The following PHLDB1 variants were observed in gnomAD, a reference collection of about 807,000 sequenced individuals.
The protein encoded by PHLDB1 is pleckstrin homology-like domain family B member 1.
PHLDB1 carries 65 observed loss-of-function variants against 139.3 expected under a neutral mutation model. The ratio of observed to expected loss-of-function variants is 0.47; its 90% CI spans 0.38 to 0.57. PHLDB1 has a LOEUF of 0.57. Ranked by LOEUF, PHLDB1 falls within the 20% of genes least tolerant of loss-of-function variation. The probability of loss-of-function intolerance (pLI) is 0.00; values close to 1 mark genes in which losing one functional copy is unlikely to be tolerated. For missense variants in PHLDB1, 1,624 were observed against 1,839.7 expected (o/e 0.88, Z 2.14); for synonymous variants, 679 against 734.5 (o/e 0.92, Z 1.22).
At chr11:118,624,879 G>A in intron 4 of PHLDB1, 55 bp from the exon 5 acceptor site, 1 of 1,596,642 alleles carries the variant, frequency 6.3e-7, no homozygotes. Context: ...AAAAGTGTTG[G>A]GATTACAGGT....
At position 118,650,067 on chromosome 11, in the gene PHLDB1, T is replaced by G. The variant is rs1555134408; in HGVS notation, c.3655-10T>G. On this transcript the variant is annotated splice_polypyrimidine_tract_variant and intron_variant, in intron 18 of 22. Transcript: ENST00000600882. This position sits in a 1 kb window ranked among gnomAD's most constrained non-coding sequence, Gnocchi z 4.7. ...GAGGAGACTCTCCTGACCCTCCCTC[T>G]TGCTCCCAGGCACGACCCCTGACCC... 6.2e-7 allele frequency: 1 copy of G among 1,606,264 alleles called. No homozygotes were observed. Among genetic ancestry groups the G allele is most frequent in the South Asian group, 1.1e-5 (1 of 90,918 alleles).
chr11:118,607,340 T>TGGC (rs1939354656), upstream of PHLDB1, among the ~76,000 whole-genome samples: 1 of 17,774 alleles, frequency 5.6e-5, no homozygotes, highest in Non-Finnish European at 9.3e-5. Flanking sequence ...GTGGTGGTGG[T>TGGC]GGTGGTGGTG....
rs377089202 is a variant in PHLDB1 at position 118,645,857 on chromosome 11, G to T, written c.3507+32G>T. On this transcript the variant is annotated intron_variant, in intron 17 of 22. Coordinates refer to ENST00000600882, the MANE Select transcript of PHLDB1 (RefSeq NM_001144758.3). This position sits in a 1 kb window ranked among gnomAD's most constrained non-coding sequence, Gnocchi z 5.1. ...CTGACCTGGATCGGGGAGGCAGAAG[G>T]TGTTGGGGCACAGAGCTACCTACTG... is the stretch of plus-strand genomic sequence containing the variant. 1 of 1,415,332 alleles carries T rather than the reference G, an allele frequency of 7.1e-7. No individual in the cohort carries two copies. The highest frequency in any genetic ancestry group is 1.0e-6 in the Non-Finnish European group (1 of 999,274). 87.7% of individuals were successfully genotyped at this position (1,415,332 alleles called of 1,614,324 possible). A position where few individuals can be genotyped will look rare whatever the true frequency, so the allele number is the denominator to read the frequency against.
chr11:118,630,645 C>T (rs1944647280), intron 6 of PHLDB1, among the ~76,000 whole-genome samples: 1 of 152,096 alleles, frequency 6.6e-6, no homozygotes, highest in Non-Finnish European at 1.5e-5. Flanking sequence ...TGCATTTGTG[C>T]ATGTCAGGGC....
chr11:118,629,402 G>C (rs960254584), intron 6 of PHLDB1, among the ~76,000 whole-genome samples: 3 of 152,246 alleles, frequency 2.0e-5, no homozygotes, highest in Admixed American at 6.5e-5. Flanking sequence ...GTGGGGGCCA[G>C]GATTCCCCAG....
intron 9 of PHLDB1, chr11:118,634,727 C>T (rs1428721536): frequency 4.1e-6 from 1 of 243,340 alleles, no homozygotes; most frequent in African/African-American, 2.3e-5. Flanking sequence ...CCTTTTCTTT[C>T]TCCTCGCCTG....
intron 1 of PHLDB1, among the ~76,000 whole-genome samples, chr11:118,609,637 G>A (rs1203391776): frequency 6.6e-6 from 1 of 152,210 alleles, no homozygotes; most frequent in Non-Finnish European, 1.5e-5. Context: ...CGGAACGGGC[G>A]GTGTCTGTGG....
At chr11:118,617,931 G>A (rs947891025) in intron 4 of PHLDB1, among the ~76,000 whole-genome samples, 1 of 152,016 alleles carries the variant, frequency 6.6e-6, no homozygotes, top group Non-Finnish European at 1.5e-5. Flanking sequence ...TTCAAAGAAG[G>A]CCCAGCACTT....
Position 118,628,984 on chromosome 11 carries a change from G to A in PHLDB1, c.1827+334G>A, listed in dbSNP as rs72999467. Among the ~76,000 whole-genome samples the A allele has an allele frequency of 3.3e-3, 505 of 152,322 alleles. 1 individual carries two copies. The highest frequency in any genetic ancestry group is 5.8e-3 in the Admixed American group (89 of 15,308). ...CATACCACAGGTATGGTAAGACCTC[G>A]AACCTCCCAGTTTGAGAAGCAGTTG... is the stretch of plus-strand genomic sequence containing the variant. On this transcript the variant is annotated intron_variant, in intron 6 of 22. Transcript: ENST00000600882.
rs544801970 is a variant in PHLDB1, at chr11:118,608,851, C to A, written c.-22+1152C>A. Among the ~76,000 whole-genome samples, 1 of 152,168 alleles carries A rather than the reference C, an allele frequency of 6.6e-6. No individual in the cohort carries two copies. The highest frequency in any genetic ancestry group is 2.4e-5 in the African/African-American group (1 of 41,528). On this transcript the variant is annotated intron_variant, in intron 1 of 22. Coordinates refer to ENST00000600882, the MANE Select transcript of PHLDB1 (RefSeq NM_001144758.3). This position sits in a 1 kb window ranked among gnomAD's most constrained non-coding sequence, Gnocchi z 6.7. ...CCGCGCTCACGCAGCCCCTCACACC[C>A]GCAGCCCCGCTTACACGCGCCCCAG...
At chr11:118,635,084 G>C (rs2136339830) in intron 9 of PHLDB1, 5 of 457,054 alleles carry the variant, frequency 1.1e-5, no homozygotes, top group Non-Finnish European at 2.1e-5. Context: ...CCCCGGCCCC[G>C]CGGGCCACGC....
rs1356395378 is a variant in PHLDB1, at chr11:118,650,014, G to T, written c.3655-63G>T. The T allele has an allele frequency of 4.1e-6, 5 of 1,211,502 alleles. No homozygotes were observed. The East Asian group carries it at 1.2e-4, about 28-fold the overall frequency. 75.0% of individuals were successfully genotyped at this position (1,211,502 alleles called of 1,614,324 possible). A position where few individuals can be genotyped will look rare whatever the true frequency, so the allele number is the denominator to read the frequency against. ...TGGGGTTTAGAAGTGAAGCCAAGGG[G>T]CCTGGACAGGGGAATAATGAGGGAA... On this transcript the variant is annotated intron_variant, in intron 18 of 22. Transcript: ENST00000600882. This position sits in a 1 kb window ranked among gnomAD's most constrained non-coding sequence, Gnocchi z 4.7.
rs61484700 is a variant in PHLDB1, at chr11:118,611,826, A to T, written c.-21-1990A>T. ...AGAGTGAAACTCCGTCTCAAAAAAAAAAAAAAAATAATAATAATAATAATA... is the reference window on the plus strand; with the variant it reads ...AGAGTGAAACTCCGTCTCAAAAAAATAAAAAAAATAATAATAATAATAATA... On this transcript the variant is annotated intron_variant, in intron 1 of 22. Coordinates refer to ENST00000600882, the MANE Select transcript of PHLDB1 (RefSeq NM_001144758.3). The surrounding 1 kb of genome is among the most constrained non-coding windows in gnomAD (Gnocchi z 4.7). Among the ~76,000 whole-genome samples the T allele has an allele frequency of 0.2, 30,311 of 147,918 alleles. 3,307 individuals carry two copies. Among genetic ancestry groups the T allele is most frequent in the South Asian group, 0.35 (1,635 of 4,688 alleles).
At chr11:118,606,938 T>G (rs1396489521), upstream of PHLDB1, among the ~76,000 whole-genome samples, 1 of 152,194 alleles carries the variant, frequency 6.6e-6, no homozygotes, top group Non-Finnish European at 1.5e-5. Context: ...GGTTTTCCTG[T>G]GCTTTGGAGT....
At chr11:118,653,613 TG>T (rs1454975079) in intron 20 of PHLDB1, 1 of 152,222 alleles carries the variant, frequency 6.6e-6, no homozygotes, top group East Asian at 1.9e-4. Context: ...TTTACATAGC[TG>T]TGTGTCTGTA....
Position 118,608,438 on chromosome 11 carries a change from G to A in PHLDB1, c.-22+739G>A, listed in dbSNP as rs781904720. On this transcript the variant is annotated intron_variant, in intron 1 of 22. Transcript: ENST00000600882. This position sits in a 1 kb window ranked among gnomAD's most constrained non-coding sequence, Gnocchi z 6.7. ...TCCCCCGGGATAGGGAAGTGCGGGC[G>A]GGCGGCTGGGTAGGGGCGCCGGCGC... Among the ~76,000 whole-genome samples the A allele has an allele frequency of 5.9e-5, 9 of 152,170 alleles. No individual in the cohort carries two copies. The highest frequency in any genetic ancestry group is 1.2e-4 in the Non-Finnish European group (8 of 68,010).
chr11:118,643,553 A>T, intron 13 of PHLDB1: 1 of 985,398 alleles, frequency 1.0e-6, no homozygotes, highest in Non-Finnish European at 1.2e-6. Context: ...GGGTCTGTTT[A>T]CAGGTCTTTT....
At chr11:118,609,683 C>T (rs1555082061) in intron 1 of PHLDB1, among the ~76,000 whole-genome samples, 1 of 152,234 alleles carries the variant, frequency 6.6e-6, no homozygotes, top group Non-Finnish European at 1.5e-5. Flanking sequence ...AAACAAGCGG[C>T]TCCTTCTCTC....
chr11:118,650,277 G>A lies in PHLDB1; in HGVS notation c.3771+84G>A, dbSNP rs116847885. 89 of 1,119,502 alleles carry A rather than the reference G, an allele frequency of 7.9e-5. 1 individual carries two copies. Among genetic ancestry groups the A allele is most frequent in the Non-Finnish European group, 1.1e-4 (84 of 730,842 alleles). The allele number at this position is 1,119,502 out of a possible 1,614,324, so 69.3% of individuals were successfully genotyped here. A position where few individuals can be genotyped will look rare whatever the true frequency, so the allele number is the denominator to read the frequency against. ...CACCTCCTGGGTCGTTGGAATAGTG[G>A]CGTCAGTCTCTACCCTCACCTAACC... On this transcript the variant is annotated intron_variant, in intron 19 of 22. Transcript: ENST00000600882. This position sits in a 1 kb window ranked among gnomAD's most constrained non-coding sequence, Gnocchi z 4.7.
Sources: allele counts gnomAD v4.1 joint callset (sites outside exome capture counted in the v4.1 genomes callset), GRCh38; gene constraint gnomAD v4.1.1; non-coding constraint Gnocchi (gnomAD v3.1); transcripts MANE v1.5; gene names NCBI Gene and HGNC (gene_info 2026-07-23, HGNC 2026-07-21).